The following SLC13A5 variants were observed in gnomAD, a reference collection of about 807,000 sequenced individuals.
The protein encoded by SLC13A5 is Na(+)/citrate cotransporter.
SLC13A5 carries 25 observed loss-of-function variants against 56.5 expected under a neutral mutation model. The ratio of observed to expected loss-of-function variants is 0.44; its 90% CI spans 0.32 to 0.62. SLC13A5 has a LOEUF of 0.62. SLC13A5 is among the 20% of genes least tolerant of loss of function. SLC13A5 has a pLI of 0.04. For missense variants in SLC13A5, 649 were observed against 737.8 expected (o/e 0.88, Z 1.39); for synonymous variants, 307 against 301.5 (o/e 1.02, Z -0.19).
intron 6 of SLC13A5, among the ~76,000 whole-genome samples, chr17:6,697,844 C>T (rs1973601811): frequency 6.6e-6 from 1 of 152,186 alleles, no homozygotes; most frequent in South Asian, 2.1e-4. Flanking sequence ...CTGCACTAGG[C>T]TCTTCAGCAA....
intron 2 of SLC13A5, 125 bp from the exon 3 acceptor site, chr17:6,706,903 G>C (rs1247618752): frequency 1.3e-6 from 2 of 1,556,224 alleles, no homozygotes; most frequent in Non-Finnish European, 1.7e-6. Flanking sequence ...GTGTCTCCCT[G>C]CCAGGGAGAA....
intron 8 of SLC13A5, 103 bp from the exon 9 acceptor site, chr17:6,693,265 A>G: frequency 1.3e-6 from 1 of 755,562 alleles, no homozygotes; most frequent in Non-Finnish European, 2.1e-6. Flanking sequence ...AAATCTAATC[A>G]AGGGGGAATA....
chr17:6,690,875 G>A lies in SLC13A5; in HGVS notation c.1341C>T (p.Ala447=), dbSNP rs780574026. The change falls in exon 10 of 12, where the codon GCC becomes GCT. Residue 447 remains alanine, a synonymous_variant. Transcript: ENST00000433363. The part of the protein sequence containing the change: ...MEPLHAVPPA[A]ITLILSLLVA... ...CGAGCAAGGACAAGATCAAGGTGAT[G>A]GCTGCCGGGGGCACTGCGTGCAAGG... 3.1e-6 allele frequency: 5 copies of A among 1,614,122 alleles called. No individual in the cohort carries two copies. Among genetic ancestry groups the A allele is most frequent in the Non-Finnish European group, 4.2e-6 (5 of 1,180,038 alleles).
At chr17:6,705,927 C>T (rs1973853157) in intron 3 of SLC13A5, among the ~76,000 whole-genome samples, 1 of 152,202 alleles carries the variant, frequency 6.6e-6, no homozygotes, top group African/African-American at 2.4e-5. Flanking sequence ...CCCTCTCTGC[C>T]TCCAATCCCT....
chr17:6,687,734 A>T lies in SLC13A5; in HGVS notation c.1438-68T>A. On this transcript the variant is annotated intron_variant, in intron 10 of 11. Coordinates refer to ENST00000433363, the MANE Select transcript of SLC13A5 (RefSeq NM_177550.5). This position sits in a 1 kb window ranked among gnomAD's most constrained non-coding sequence, Gnocchi z 5.0. ...AAGCTCTTGGGGACGTGATTCTGAA[A>T]AGGATTCTCTGAATGTGCCGGGTAC... 6.7e-7 allele frequency: 1 copy of T among 1,491,010 alleles called. No individual in the cohort carries two copies. The highest frequency in any genetic ancestry group is 1.4e-5 in the African/African-American group (1 of 69,608). The allele number at this position is 1,491,010 out of a possible 1,614,324, so 92.4% of individuals were successfully genotyped here. A position where few individuals can be genotyped will look rare whatever the true frequency, so the allele number is the denominator to read the frequency against.
In SLC13A5 at chr17:6,690,914, C is replaced by A; in HGVS notation, c.1302G>T (p.Gly434=). 2 of 1,612,864 alleles carry A rather than the reference C, an allele frequency of 1.2e-6. No individual in the cohort carries two copies. Among genetic ancestry groups the A allele is most frequent in the Non-Finnish European group, 8.5e-7 (1 of 1,179,142 alleles). ...SEASGLSVWM[G]KQMEPLHAVP... ...CTGCGTGCAAGGGCTCCATCTGCTTCCCCATCCACACGGACAGCCCCGAGG... is the reference window on the plus strand; with the variant it reads ...CTGCGTGCAAGGGCTCCATCTGCTTACCCATCCACACGGACAGCCCCGAGG... Residue 434 remains glycine, a synonymous_variant, in exon 10 of 12, where the codon GGG becomes GGT. Transcript: ENST00000433363.
chr17:6,698,037 G>A (rs1973606211), intron 6 of SLC13A5, among the ~76,000 whole-genome samples: 2 of 152,244 alleles, frequency 1.3e-5, no homozygotes. Context: ...GGGACCACCA[G>A]GTCTTAGTTT....
chr17:6,685,900 G>A lies in SLC13A5; in HGVS notation c.*307C>T. On this transcript the variant is annotated 3_prime_UTR_variant, in exon 12 of 12. Coordinates refer to ENST00000433363, the MANE Select transcript of SLC13A5 (RefSeq NM_177550.5). This position sits in a 1 kb window ranked among gnomAD's most constrained non-coding sequence, Gnocchi z 4.2. ...GGATGCTTGAGGCAGAGCGGGTACA[G>A]CAGCCTGCATCCTGATCCCTCGGCT... 2.7e-6 allele frequency: 1 copy of A among 371,792 alleles called. No individual in the cohort carries two copies. Among genetic ancestry groups the A allele is most frequent in the Non-Finnish European group, 5.1e-6 (1 of 196,880 alleles). 23.0% of individuals were successfully genotyped at this position (371,792 alleles called of 1,614,324 possible). A position where few individuals can be genotyped will look rare whatever the true frequency, so the allele number is the denominator to read the frequency against.
chr17:6,706,044 A>G (rs1973855483), intron 3 of SLC13A5, among the ~76,000 whole-genome samples: 1 of 152,096 alleles, frequency 6.6e-6, no homozygotes, highest in East Asian at 1.9e-4. Flanking sequence ...CCTTGTAGAC[A>G]CTCAATATAC....
rs984644494 is a variant in SLC13A5 at position 6,703,024 on chromosome 17, G to C, written c.662C>G (p.Thr221Ser). Residue 221 changes from threonine (T) to serine (S), a missense_variant, in exon 5 of 12, where the codon ACC becomes AGC. Coordinates refer to ENST00000433363, the MANE Select transcript of SLC13A5 (RefSeq NM_177550.5). ...GGGTCCCGTCCCGGTCAGGGTGGCG[G>C]TGCCCCCGATGCTGGCCGCGTAGCA... Reference protein sequence around the residue: ...CICYAASIGGTATLTGTGPNV... With the variant: ...CICYAASIGGSATLTGTGPNV... The C allele has an allele frequency of 6.2e-7, 1 of 1,614,230 alleles. No homozygotes were observed. The highest frequency in any genetic ancestry group is 1.1e-5 in the South Asian group (1 of 91,090).
intron 10 of SLC13A5, chr17:6,689,344 C>T (rs1973333488): frequency 6.6e-6 from 1 of 152,270 alleles, no homozygotes; most frequent in Non-Finnish European, 1.5e-5. Flanking sequence ...CACTCCTCTG[C>T]AGCCCAGCTC....
intron 10 of SLC13A5, chr17:6,689,870 T>G (rs1305068323): frequency 6.6e-6 from 1 of 151,964 alleles, no homozygotes; most frequent in East Asian, 1.9e-4. Context: ...CATGCTCATT[T>G]TGCAGTCTAC....
At chr17:6,689,156 G>C (rs1422892122) in intron 10 of SLC13A5, 2 of 152,180 alleles carry the variant, frequency 1.3e-5, no homozygotes, top group Non-Finnish European at 2.9e-5. Flanking sequence ...CAAGGGGTCT[G>C]AGCAGGTTTA....
chr17:6,690,083 A>C (rs961624802), intron 10 of SLC13A5: 1 of 131,170 alleles, frequency 7.6e-6, no homozygotes, highest in African/African-American at 3.1e-5. Context: ...AAAAAAAAAA[A>C]AAAAAAAAAA....
rs138537951 is a variant in SLC13A5, at chr17:6,707,115, G to A, written c.144C>T (p.Tyr48=). The change falls in exon 2 of 12, where the codon TAC becomes TAT. Residue 48 remains tyrosine, a synonymous_variant. Coordinates refer to ENST00000433363, the MANE Select transcript of SLC13A5 (RefSeq NM_177550.5). ...CAYVIILMAI[Y]WCTEVIPLAV... ...CCAGAGGGATGACTTCTGTGCACCA[G>A]TAAATGGCCATGAGGATGATGACGT... is the stretch of plus-strand genomic sequence containing the variant. 2.6e-5 allele frequency: 42 copies of A among 1,613,986 alleles called. No homozygotes were observed. In the African/African-American group the frequency reaches 4.3e-4, roughly 16 times the overall value.
chr17:6,700,500 C>A (rs148902289), intron 6 of SLC13A5, among the ~76,000 whole-genome samples: 2 of 152,222 alleles, frequency 1.3e-5, no homozygotes, highest in African/African-American at 2.4e-5. Flanking sequence ...TGGACCCACA[C>A]GGCAAAGAGG....
chr17:6,702,574 A>G (rs779909627), intron 5 of SLC13A5, among the ~76,000 whole-genome samples: 10 of 152,074 alleles, frequency 6.6e-5, no homozygotes, highest in Non-Finnish European at 1.3e-4. Flanking sequence ...AGAGGTGTCT[A>G]TTTTCTACAA....
rs546617630 is a variant in SLC13A5 at position 6,695,839 on chromosome 17, G to A, written c.942C>T (p.Phe314=). ...EEYRKLGPLS[F]AEINVLICFF... ...AGCAGATCAGCACGTTGATCTCCGC[G>A]AAGGACAAGGGCCCCAGCTTCCGGT... The change falls in exon 7 of 12, where the codon TTC becomes TTT. Residue 314 remains phenylalanine, a synonymous_variant. Transcript: ENST00000433363. 38 of 1,614,116 alleles carry A rather than the reference G, an allele frequency of 2.4e-5. No homozygotes were observed. The highest frequency in any genetic ancestry group is 2.8e-5 in the Non-Finnish European group (33 of 1,180,028).
In SLC13A5 at chr17:6,702,972, G is replaced by T. The variant is rs754553205; in HGVS notation, c.714C>A (p.Asn238Lys). The T allele has an allele frequency of 4.3e-6, 7 of 1,613,834 alleles. No individual in the cohort carries two copies. Among genetic ancestry groups the T allele is most frequent in the Non-Finnish European group, 5.9e-6 (7 of 1,179,924 alleles). Residue 238 changes from asparagine (N) to lysine (K), a missense_variant and splice_region_variant, in exon 5 of 12, where the codon AAC becomes AAA. Coordinates refer to ENST00000433363, the MANE Select transcript of SLC13A5 (RefSeq NM_177550.5). ...AGAAGGTGCGACCAAGGACTCACTC[G>T]TTCATCTGGCCCAGGAGCACCACGT... ...GPNVVLLGQM[N>K]ELFPDSKDLV...
Sources: gnomAD v4.1 joint callset for allele counts (sites outside exome capture counted in the v4.1 genomes callset) on GRCh38, gnomAD v4.1.1 for gene constraint, Gnocchi (gnomAD v3.1) non-coding constraint, MANE v1.5 for transcripts, NCBI Gene and HGNC (gene_info 2026-07-23, HGNC 2026-07-21) for gene names.